CDC14B: variants seen among roughly 807,000 people sequenced by gnomAD.
The protein encoded by CDC14B is dual specificity protein phosphatase CDC14B.
Under a neutral mutation model 64.2 loss-of-function variants are expected in CDC14B, and 22 were observed. The observed-to-expected ratio is 0.34, with a 90% CI of 0.24 to 0.49. CDC14B has a LOEUF of 0.49. CDC14B is among the 20% of genes least tolerant of loss of function. The pLI is 0.99. For missense variants in CDC14B, 498 were observed against 629.9 expected, an observed-to-expected ratio of 0.79 and a Z score of 2.24; for synonymous variants, 191 against 215.8, an observed-to-expected ratio of 0.89 and a Z score of 1.01.
intron 1 of CDC14B, among the ~76,000 whole-genome samples, chr9:96,585,793 CAA>C (rs1845425137): frequency 6.6e-6 from 1 of 152,050 alleles, no homozygotes; most frequent in Admixed American, 6.6e-5. Context: ...TGTGTGTCTA[CAA>C]AAAGATTTGC....
chr9:96,552,362 C>G (rs1841942469), intron 4 of CDC14B, among the ~76,000 whole-genome samples: 1 of 152,210 alleles, frequency 6.6e-6, no homozygotes, highest in African/African-American at 2.4e-5. Flanking sequence ...TCAAACTGCA[C>G]TTGTTTTCGA....
intron 4 of CDC14B, among the ~76,000 whole-genome samples, chr9:96,555,221 G>A (rs1349824716): frequency 6.6e-6 from 1 of 152,204 alleles, no homozygotes; most frequent in Non-Finnish European, 1.5e-5. Context: ...AATAGGGTGT[G>A]ATTTCAGAGG....
intron 1 of CDC14B, among the ~76,000 whole-genome samples, chr9:96,601,785 C>T (rs1402965291): frequency 6.9e-5 from 9 of 130,992 alleles, no homozygotes; most frequent in Non-Finnish European, 9.3e-5. Context: ...CAGAGCAAGA[C>T]GCTGTCTCGA....
intron 1 of CDC14B, among the ~76,000 whole-genome samples, chr9:96,591,457 T>C (rs1845790936): frequency 6.6e-6 from 1 of 152,194 alleles, no homozygotes; most frequent in Admixed American, 6.5e-5. Flanking sequence ...CATGCCAGTA[T>C]CATACTGCTT....
At chr9:96,556,711 G>GT (rs1487041563) in intron 4 of CDC14B, among the ~76,000 whole-genome samples, 1 of 152,028 alleles carries the variant, frequency 6.6e-6, no homozygotes, top group Non-Finnish European at 1.5e-5. Flanking sequence ...CTGGGAATTA[G>GT]TACACATTTG....
At chr9:96,573,744 G>A (rs1374855547) in intron 1 of CDC14B, among the ~76,000 whole-genome samples, 1 of 152,092 alleles carries the variant, frequency 6.6e-6, no homozygotes, top group East Asian at 1.9e-4. Context: ...TGAATTAAAT[G>A]TAATAAATTT....
At position 96,562,757 on chromosome 9, in the gene CDC14B, A is replaced by C. The variant is rs1843386319; in HGVS notation, c.356T>G (p.Val119Gly). 1 of 1,609,436 alleles carries C rather than the reference A, an allele frequency of 6.2e-7. No individual in the cohort carries two copies. The highest frequency in any genetic ancestry group is 1.3e-5 in the African/African-American group (1 of 74,822). Residue 119 changes from valine to glycine, a missense_variant, in exon 4 of 14, where the codon GTT becomes GGT. Physicochemically the swap from Val to Gly is moderately radical, Grantham distance 109 (BLOSUM62 -3). Coordinates refer to ENST00000375241, the MANE Select transcript of CDC14B (RefSeq NM_033331.4). ...KSITMLRKKI[V>G]HFTGSDQRKQ... is the part of the protein sequence containing the mutation. ...TCTCTGATCAGAGCCAGTAAAATGA[A>C]CAATTTTCTTCCTTAACATTGTAAT...
chr9:96,564,957 A>C, intron 2 of CDC14B, 105 bp from the exon 3 acceptor site: 2 of 679,614 alleles, frequency 2.9e-6, no homozygotes, highest in Non-Finnish European at 4.9e-6. Context: ...AGCATATACC[A>C]AATTGTTATG....
chr9:96,566,906 A>G (rs945307578), intron 1 of CDC14B: 1 of 1,546,472 alleles, frequency 6.5e-7, no homozygotes. Context: ...GAAGTTTAAA[A>G]AACAAAGTTT....
Position 96,515,706 on chromosome 9 carries a change from A to T in CDC14B, c.1344-5917T>A, listed in dbSNP as rs750264319. On this transcript the variant is annotated intron_variant, in intron 12 of 13. Coordinates refer to ENST00000375241, the MANE Select transcript of CDC14B (RefSeq NM_033331.4). The surrounding 1 kb of genome is among the most constrained non-coding windows in gnomAD (Gnocchi z 4.3). ...CTGTGTTCTGAAACCATCGAGACAGAATAGCAGGATGGGAAGAATGTAGTC... is the reference window on the plus strand; with the variant it reads ...CTGTGTTCTGAAACCATCGAGACAGTATAGCAGGATGGGAAGAATGTAGTC... The T allele has an allele frequency of 6.2e-7, 1 of 1,604,720 alleles. No individual in the cohort carries two copies. Among genetic ancestry groups the T allele is most frequent in the Non-Finnish European group, 8.5e-7 (1 of 1,175,970 alleles).
chr9:96,495,724 T>G (rs1833213606), downstream of CDC14B, among the ~76,000 whole-genome samples: 1 of 152,114 alleles, frequency 6.6e-6, no homozygotes. Context: ...ATGAGGGACA[T>G]GCTTGGGGAA....
At chr9:96,563,577 G>A (rs998096314) in intron 3 of CDC14B, among the ~76,000 whole-genome samples, 6 of 151,666 alleles carry the variant, frequency 4.0e-5, no homozygotes, top group Non-Finnish European at 7.4e-5. Flanking sequence ...TTGAACCAGG[G>A]GGGTGGAGGT....
At chr9:96,587,879 C>T (rs1159556487) in intron 1 of CDC14B, among the ~76,000 whole-genome samples, 1 of 152,234 alleles carries the variant, frequency 6.6e-6, no homozygotes, top group East Asian at 1.9e-4. Context: ...CCCCGCCCCG[C>T]CCCCACAATT....
chr9:96,548,506 A>T (rs1375715028), intron 5 of CDC14B, among the ~76,000 whole-genome samples: 2 of 152,086 alleles, frequency 1.3e-5, no homozygotes, highest in Non-Finnish European at 2.9e-5. Context: ...ATACATACAC[A>T]CACACTTTAA....
intron 1 of CDC14B, among the ~76,000 whole-genome samples, chr9:96,599,231 A>C (rs775288986): frequency 1.3e-5 from 2 of 152,162 alleles, no homozygotes; most frequent in Non-Finnish European, 2.9e-5. Flanking sequence ...AATACAAAAA[A>C]TTAGCCAGGC....
chr9:96,616,596 C>T lies in CDC14B; in HGVS notation c.160+2623G>A, dbSNP rs538498461. On this transcript the variant is annotated intron_variant, in intron 1 of 13. Transcript: ENST00000375241. ...AAAATTAGCCAGGCATGGTGGCGGGCGCCTGTATTCCCAGCTACTTGGGAG... is the reference window on the plus strand; with the variant it reads ...AAAATTAGCCAGGCATGGTGGCGGGTGCCTGTATTCCCAGCTACTTGGGAG... 4.0e-5 allele frequency among the ~76,000 whole-genome samples: 6 copies of T among 150,472 alleles called. No individual in the cohort carries two copies. In the East Asian group the frequency reaches 8.0e-4, roughly 20 times the overall value.
At chr9:96,602,168 T>C (rs1846523070) in intron 1 of CDC14B, among the ~76,000 whole-genome samples, 1 of 152,222 alleles carries the variant, frequency 6.6e-6, no homozygotes, top group Non-Finnish European at 1.5e-5. Context: ...TTTGATTACT[T>C]CTGGCCTGTG....
intron 1 of CDC14B, among the ~76,000 whole-genome samples, chr9:96,608,038 G>A (rs906841129): frequency 1.3e-5 from 2 of 152,176 alleles, no homozygotes; most frequent in African/African-American, 4.8e-5. Flanking sequence ...CTCTCTATGA[G>A]TTTTACAGAT....
At chr9:96,523,815 C>A in intron 9 of CDC14B, 90 bp from the exon 10 acceptor site, 3 of 1,312,898 alleles carry the variant, frequency 2.3e-6, no homozygotes, top group South Asian at 2.8e-5. Context: ...AAAGGCTTCT[C>A]ATGACTCTGC....
Sources: allele counts gnomAD v4.1 joint callset (sites outside exome capture counted in the v4.1 genomes callset), GRCh38; gene constraint gnomAD v4.1.1; non-coding constraint Gnocchi (gnomAD v3.1); transcripts MANE v1.5; gene names NCBI Gene and HGNC (gene_info 2026-07-23, HGNC 2026-07-21).